Variants in ARMH1 observed in about 807,000 individuals in gnomAD.
ARMH1 encodes the protein armadillo-like helical domain containing protein 1.
In ARMH1, 34 loss-of-function variants were observed where a neutral mutation model predicts 50.2. The ratio of observed to expected loss-of-function variants is 0.68; its 90% CI spans 0.51 to 0.90. The LOEUF (loss-of-function observed/expected upper bound fraction) is 0.90, where lower values mean the gene tolerates loss of function less well. ARMH1 is among the 40% of genes least tolerant of loss of function. ARMH1 has a pLI of 0.00. For missense variants in ARMH1, 538 were observed against 553.9 expected (o/e 0.97, Z 0.29); for synonymous variants, 221 against 224.2 (o/e 0.99, Z 0.13).
chr1:44,680,249 T>C (rs1557510784), intron 1 of ARMH1, among the ~76,000 whole-genome samples: 1 of 152,212 alleles, frequency 6.6e-6, no homozygotes, highest in Non-Finnish European at 1.5e-5. Context: ...CGGTCTTGGC[T>C]CACTGCAGCC....
chr1:44,697,336 G>C (rs1353022573), intron 3 of ARMH1, among the ~76,000 whole-genome samples, 166 bp downstream of exon 3: 1 of 151,796 alleles, frequency 6.6e-6, no homozygotes, highest in Admixed American at 6.6e-5. Context: ...TGCTCTAGTT[G>C]CTCCCCCATC....
chr1:44,697,033 G>A (rs1484594580), intron 2 of ARMH1, 69 bp from the exon 3 acceptor site: 1 of 1,222,202 alleles, frequency 8.2e-7, no homozygotes, highest in Non-Finnish European at 1.2e-6. Context: ...TGGTACCAGA[G>A]ATCAGGCACG....
At chr1:44,718,339 T>C (rs1646933289) in intron 6 of ARMH1, among the ~76,000 whole-genome samples, 1 of 152,140 alleles carries the variant, frequency 6.6e-6, no homozygotes, top group South Asian at 2.1e-4. Context: ...TGTCATCAGA[T>C]GCATGAGGGG....
intron 6 of ARMH1, chr1:44,721,747 C>CA (rs1336003047): frequency 3.9e-5 from 6 of 151,984 alleles, no homozygotes; most frequent in African/African-American, 1.5e-4. Context: ...AAGCATGAAA[C>CA]ACCCCACCCA....
intron 1 of ARMH1, among the ~76,000 whole-genome samples, chr1:44,685,921 C>T (rs903187558): frequency 5.3e-5 from 8 of 152,166 alleles, no homozygotes; most frequent in South Asian, 2.1e-4. Context: ...CCACCGCGCC[C>T]GGCCCAGATA....
At chr1:44,718,082 T>G (rs1344997279) in intron 6 of ARMH1, among the ~76,000 whole-genome samples, 1 of 152,220 alleles carries the variant, frequency 6.6e-6, no homozygotes, top group Non-Finnish European at 1.5e-5. Flanking sequence ...AACTAGACAT[T>G]TGTCTCCTGG....
In ARMH1 at chr1:44,724,154, G is replaced by T. The variant is rs893273483; in HGVS notation, c.757G>T (p.Asp253Tyr). ...IELIKDLVGY[D>Y]VRQALLKGLV... is the part of the protein sequence containing the mutation. ...GTTGATCAAAGACCTGGTCGGTTACGATGTGCGCCAGGCGCTGCTCAAGGG... is the reference window on the plus strand; with the variant it reads ...GTTGATCAAAGACCTGGTCGGTTACTATGTGCGCCAGGCGCTGCTCAAGGG... Residue 253 changes from aspartate (D) to tyrosine (Y), a missense_variant, in exon 7 of 12, where the codon GAT becomes TAT. Transcript: ENST00000535358. This position sits in a 1 kb window ranked among gnomAD's most constrained non-coding sequence, Gnocchi z 6.4. 5 of 1,551,746 alleles carry T rather than the reference G, an allele frequency of 3.2e-6. No individual in the cohort carries two copies. Among genetic ancestry groups the T allele is most frequent in the Non-Finnish European group, 4.4e-6 (5 of 1,146,994 alleles).
intron 2 of ARMH1, 122 bp downstream of exon 2, chr1:44,690,025 C>G: frequency 1.2e-6 from 1 of 807,914 alleles, no homozygotes; most frequent in Non-Finnish European, 1.9e-6. Context: ...CGAGACCAGC[C>G]TAACCAACAT....
rs768809687 is a variant in ARMH1, at chr1:44,697,043, G to A, written c.207-59G>A. 42 of 1,321,162 alleles carry A rather than the reference G, an allele frequency of 3.2e-5. 1 individual carries two copies. Among genetic ancestry groups the A allele is most frequent in the Middle Eastern group, 1.8e-4 (1 of 5,554 alleles). The allele number at this position is 1,321,162 out of a possible 1,614,324, so 81.8% of individuals were successfully genotyped here. A position where few individuals can be genotyped will look rare whatever the true frequency, so the allele number is the denominator to read the frequency against. On this transcript the variant is annotated intron_variant, in intron 2 of 11. Transcript: ENST00000535358. The stretch of plus-strand genomic sequence containing the variant: ...CGGGGTGGTACCAGAGATCAGGCAC[G>A]GGCTCTGGCTTCTGTGTGAAAAACC...
At chr1:44,677,994 C>G (rs1055948650) in intron 1 of ARMH1, among the ~76,000 whole-genome samples, 10 of 152,070 alleles carry the variant, frequency 6.6e-5, no homozygotes, top group South Asian at 2.1e-4. Context: ...GAAGGGGAGC[C>G]CTGGGGTAGA....
intron 5 of ARMH1, 28 bp from the exon 6 acceptor site, chr1:44,704,061 C>A: frequency 6.6e-7 from 1 of 1,523,220 alleles, no homozygotes; most frequent in Non-Finnish European, 8.9e-7. Flanking sequence ...AAAGACTAAC[C>A]ACCTTGTCCT....
chr1:44,696,803 C>G (rs910514071), intron 2 of ARMH1, among the ~76,000 whole-genome samples: 3 of 152,188 alleles, frequency 2.0e-5, no homozygotes, highest in South Asian at 4.1e-4. Flanking sequence ...GACCCCCAGC[C>G]TTCTCCAGGG....
intron 2 of ARMH1, among the ~76,000 whole-genome samples, chr1:44,693,881 TA>T (rs1377432032): frequency 1.3e-5 from 2 of 152,146 alleles, no homozygotes; most frequent in African/African-American, 4.8e-5. Context: ...CACCTCACCC[TA>T]GTCCTGGCCT....
At chr1:44,678,460 T>C (rs1312743418) in intron 1 of ARMH1, among the ~76,000 whole-genome samples, 2 of 151,920 alleles carry the variant, frequency 1.3e-5, no homozygotes, top group African/African-American at 4.8e-5. Context: ...GGTAGGGGTA[T>C]CTGCCAGGGT....
intron 1 of ARMH1, among the ~76,000 whole-genome samples, chr1:44,677,077 T>C (rs940527384): frequency 1.3e-5 from 2 of 152,186 alleles, no homozygotes; most frequent in Non-Finnish European, 2.9e-5. Flanking sequence ...TCTTCGATGG[T>C]TTCCATTTTC....
chr1:44,700,084 C>T (rs930740514), intron 4 of ARMH1, among the ~76,000 whole-genome samples: 4 of 151,122 alleles, frequency 2.6e-5, no homozygotes, highest in Non-Finnish European at 5.9e-5. Context: ...CCTGCCTTGG[C>T]CTCCCATAGT....
Position 44,709,495 on chromosome 1 carries a change from A to G in ARMH1, c.724+5322A>G, listed in dbSNP as rs571662497. Among the ~76,000 whole-genome samples the G allele has an allele frequency of 3.3e-5, 5 of 151,938 alleles. No homozygotes were observed. In the South Asian group the frequency reaches 1.0e-3, roughly 32 times the overall value. ...AGACCATCCTGGCTAACACGGTGAAACCCCATCTCTACTAAAAATACAAAA... is the reference window on the plus strand; with the variant it reads ...AGACCATCCTGGCTAACACGGTGAAGCCCCATCTCTACTAAAAATACAAAA... On this transcript the variant is annotated intron_variant, in intron 6 of 11. Transcript: ENST00000535358.
In ARMH1 at chr1:44,689,844, G is replaced by A; in HGVS notation, c.147G>A (p.Gln49=). ...GCAAGACTGCCCCTGAACTGGAGCA[G>A]GAGTTTTCCCAGGGAGCCAGTTTGT... ...NQGKTAPELE[Q]EFSQGASLFL... The change falls in exon 2 of 12, where the codon CAG becomes CAA. Residue 49 remains glutamine, a synonymous_variant. Transcript: ENST00000535358. 1 of 1,551,552 alleles carries A rather than the reference G, an allele frequency of 6.4e-7. No homozygotes were observed. Among genetic ancestry groups the A allele is most frequent in the East Asian group, 2.4e-5 (1 of 40,918 alleles).
rs973411002 is a variant in ARMH1, at chr1:44,681,566, A to G, written c.-23+6693A>G. 2.0e-5 allele frequency among the ~76,000 whole-genome samples: 3 copies of G among 151,164 alleles called. No individual in the cohort carries two copies. The Admixed American group carries it at 2.0e-4, about 10-fold the overall frequency. On this transcript the variant is annotated intron_variant, in intron 1 of 11. Transcript: ENST00000535358. This position sits in a 1 kb window ranked among gnomAD's most constrained non-coding sequence, Gnocchi z 4.3. ...GCCTAAATAGAGGGGTTAAGGATACAAGGGAGGCAGGAGTAATGAGTAGAA... is the reference window on the plus strand; with the variant it reads ...GCCTAAATAGAGGGGTTAAGGATACGAGGGAGGCAGGAGTAATGAGTAGAA...
Sources: allele counts gnomAD v4.1 joint callset (sites outside exome capture counted in the v4.1 genomes callset), GRCh38; gene constraint gnomAD v4.1.1; non-coding constraint Gnocchi (gnomAD v3.1); transcripts MANE v1.5; gene names NCBI Gene and HGNC (gene_info 2026-07-23, HGNC 2026-07-21).